LRP1B: variants seen among roughly 807,000 people sequenced by gnomAD.
LRP1B encodes low-density lipoprotein receptor-related protein 1B.
LRP1B carries 217 observed loss-of-function variants against 556.6 expected under a neutral mutation model. That is an observed-to-expected ratio of 0.39 (90% CI 0.35 to 0.44). The LOEUF (loss-of-function observed/expected upper bound fraction) is 0.44, where lower values mean the gene tolerates loss of function less well. Ranked by LOEUF, LRP1B falls within the 20% of genes least tolerant of loss-of-function variation. The pLI, the probability that LRP1B is intolerant of heterozygous loss-of-function variation, is 1.00. For missense variants in LRP1B, 5,053 were observed against 5,620.8 expected (o/e 0.90, Z 3.23); for synonymous variants, 2,047 against 1,865.8 (o/e 1.10, Z -2.50).
rs112917728 is a variant in LRP1B at position 140,547,106 on chromosome 2, G to A, written c.7195-5135C>T. Among the ~76,000 whole-genome samples, 538 of 152,140 alleles carry A rather than the reference G, an allele frequency of 3.5e-3. 4 individuals are homozygous for A. Among genetic ancestry groups the A allele is most frequent in the African/African-American group, 0.012 (499 of 41,522 alleles). On this transcript the variant is annotated intron_variant, in intron 43 of 90. Coordinates refer to ENST00000389484, the MANE Select transcript of LRP1B (RefSeq NM_018557.3). ...CAATGTTCATCAAGGATATTGGTCCGAAGTTTTCTTTATTTGTTGTATCTC... is the reference window on the plus strand; with the variant it reads ...CAATGTTCATCAAGGATATTGGTCCAAAGTTTTCTTTATTTGTTGTATCTC...
chr2:141,773,004 T>A (rs1404927538), intron 2 of LRP1B, among the ~76,000 whole-genome samples: 1 of 152,204 alleles, frequency 6.6e-6, no homozygotes, highest in Non-Finnish European at 1.5e-5. Context: ...CAGCTATTGA[T>A]ATACAAACTC....
intron 2 of LRP1B, among the ~76,000 whole-genome samples, chr2:141,600,349 A>G (rs1046777942): frequency 6.6e-6 from 1 of 152,210 alleles, no homozygotes; most frequent in Non-Finnish European, 1.5e-5. Context: ...TCTAATACAC[A>G]ATACATAAAG....
At chr2:141,029,613 C>T (rs1170137588) in intron 11 of LRP1B, among the ~76,000 whole-genome samples, 2 of 152,096 alleles carry the variant, frequency 1.3e-5, no homozygotes, top group Admixed American at 1.3e-4. Context: ...GGATCCGCAG[C>T]TGTGGCACAA....
chr2:140,446,390 T>C (rs1367838468), intron 63 of LRP1B, among the ~76,000 whole-genome samples: 1 of 152,194 alleles, frequency 6.6e-6, no homozygotes, highest in Non-Finnish European at 1.5e-5. Context: ...TTTTGATGCA[T>C]TGCTCTTAAC....
chr2:140,525,193 C>G (rs746508602), intron 49 of LRP1B, among the ~76,000 whole-genome samples: 9 of 151,580 alleles, frequency 5.9e-5, no homozygotes, highest in Non-Finnish European at 1.0e-4. Context: ...TTAATAGTGT[C>G]CTATATAGAA....
chr2:141,096,717 C>T (rs1700333317), intron 7 of LRP1B, among the ~76,000 whole-genome samples: 1 of 128,590 alleles, frequency 7.8e-6, no homozygotes, highest in Non-Finnish European at 1.6e-5. Flanking sequence ...TCTTCAGGAA[C>T]AAGATTAGTT....
chr2:140,780,143 T>G (rs1392322451), intron 32 of LRP1B, among the ~76,000 whole-genome samples: 2 of 152,142 alleles, frequency 1.3e-5, no homozygotes, highest in East Asian at 3.9e-4. Flanking sequence ...AGCAGACAGC[T>G]ATAAGAGATT....
intron 2 of LRP1B, among the ~76,000 whole-genome samples, chr2:141,600,572 C>T (rs934736810): frequency 2.6e-4 from 40 of 151,500 alleles, no homozygotes; most frequent in Admixed American, 2.1e-3. Context: ...GAACTGCAAA[C>T]GTAACCACCA....
At chr2:140,543,461 AT>A (rs1221135200) in intron 43 of LRP1B, among the ~76,000 whole-genome samples, 2 of 152,054 alleles carry the variant, frequency 1.3e-5, no homozygotes, top group Non-Finnish European at 2.9e-5. Flanking sequence ...TTAAAAAATC[AT>A]TCAGCATAAT....
chr2:141,853,505 A>G (rs1697935848), intron 1 of LRP1B, among the ~76,000 whole-genome samples: 1 of 151,724 alleles, frequency 6.6e-6, no homozygotes, highest in South Asian at 2.1e-4. Context: ...ATTAGTCAAA[A>G]TTTTGAAGTG....
intron 1 of LRP1B, among the ~76,000 whole-genome samples, chr2:142,069,012 A>C (rs973972874): frequency 6.4e-4 from 97 of 150,426 alleles, no homozygotes; most frequent in Non-Finnish European, 1.3e-3. Flanking sequence ...CTCTCTCTCT[A>C]TGTCGCTCTC....
chr2:141,464,606 A>ATATTTTTTTTTTTTT lies in LRP1B; in HGVS notation c.343+15789_343+15790insAAAAAAAAAAAAATA. Among the ~76,000 whole-genome samples, 106 of 90,492 alleles carry ATATTTTTTTTTTTTT rather than the reference A, an allele frequency of 1.2e-3. 4 individuals are homozygous for ATATTTTTTTTTTTTT. The highest frequency in any genetic ancestry group is 2.8e-3 in the African/African-American group (66 of 23,356). The allele number at this position is 90,492 out of a possible 152,430, so 59.4% of individuals were successfully genotyped here. On this transcript the variant is annotated intron_variant, in intron 3 of 90. Coordinates refer to ENST00000389484, the MANE Select transcript of LRP1B (RefSeq NM_018557.3). Reference sequence around the variant, plus strand: ...TTTGTATATATATATATATATATATATTTTTTTAGTAGAGATGGGGTTTCA... The same window carrying ATATTTTTTTTTTTTT: ...TTTGTATATATATATATATATATATATATTTTTTTTTTTTTTTTTTTTAGTAGAGATGGGGTTTCA...
At chr2:141,132,205 G>A (rs1234206175) in intron 7 of LRP1B, among the ~76,000 whole-genome samples, 1 of 151,916 alleles carries the variant, frequency 6.6e-6, no homozygotes, top group Non-Finnish European at 1.5e-5. Context: ...CCCCAGTGTG[G>A]CAGTGTTGAG....
At chr2:141,645,384 G>A (rs1167805171) in intron 2 of LRP1B, among the ~76,000 whole-genome samples, 1 of 151,138 alleles carries the variant, frequency 6.6e-6, no homozygotes, top group Non-Finnish European at 1.5e-5. Context: ...TCAGCCTCAT[G>A]GTGACTTAAT....
At chr2:140,314,665 AATC>A (rs1684443441) in intron 83 of LRP1B, among the ~76,000 whole-genome samples, 1 of 152,124 alleles carries the variant, frequency 6.6e-6, no homozygotes, top group African/African-American at 2.4e-5. Flanking sequence ...TGGCTCTACT[AATC>A]ATTCTGAGCC....
intron 1 of LRP1B, among the ~76,000 whole-genome samples, chr2:141,973,831 G>A (rs1701811695): frequency 6.6e-6 from 1 of 151,742 alleles, no homozygotes; most frequent in Non-Finnish European, 1.5e-5. Context: ...CTTGTTGTAA[G>A]CATATACCTA....
At chr2:141,303,124 A>G (rs1166483404) in intron 3 of LRP1B, among the ~76,000 whole-genome samples, 1 of 152,096 alleles carries the variant, frequency 6.6e-6, no homozygotes, top group Non-Finnish European at 1.5e-5. Flanking sequence ...ATGACTCAAA[A>G]GCAGATTTAT....
intron 1 of LRP1B, among the ~76,000 whole-genome samples, chr2:142,026,532 C>T (rs1703511938): frequency 6.6e-6 from 1 of 152,004 alleles, no homozygotes; most frequent in African/African-American, 2.4e-5. Context: ...CTCAACAAAC[C>T]TCTAGTGACT....
At chr2:140,238,356 T>A (rs2104882298) in intron 88 of LRP1B, 60 bp from the exon 89 acceptor site, 3 of 810,038 alleles carry the variant, frequency 3.7e-6, no homozygotes, top group Middle Eastern at 2.8e-4. Flanking sequence ...TCAAGGCATA[T>A]GAAATTATAT....
Sources: allele counts gnomAD v4.1 joint callset (sites outside exome capture counted in the v4.1 genomes callset), GRCh38; gene constraint gnomAD v4.1.1; transcripts MANE v1.5; gene names NCBI Gene and HGNC (gene_info 2026-07-23, HGNC 2026-07-21).